PHYHIPL: variants seen among roughly 807,000 people sequenced by gnomAD.
The protein encoded by PHYHIPL is phytanoyl-CoA hydroxylase-interacting protein-like.
In PHYHIPL, 9 loss-of-function variants were observed where a neutral mutation model predicts 33.4. The ratio of observed to expected loss-of-function variants is 0.27; its 90% CI spans 0.16 to 0.47. The LOEUF is 0.47. Ranked by LOEUF, PHYHIPL falls within the 20% of genes least tolerant of loss-of-function variation. The pLI is 0.99. For missense variants in PHYHIPL, 365 were observed against 460.7 expected, an observed-to-expected ratio of 0.79 and a Z score of 1.90; for synonymous variants, 153 against 154.1, an observed-to-expected ratio of 0.99 and a Z score of 0.05.
At chr10:59,213,063 A>C (rs1839510666) in intron 1 of PHYHIPL, among the ~76,000 whole-genome samples, 5 of 152,124 alleles carry the variant, frequency 3.3e-5, no homozygotes, top group Admixed American at 3.3e-4. Flanking sequence ...TGGCAGACAT[A>C]CTCTGTATAT....
At chr10:59,212,750 T>C (rs1839497403) in intron 1 of PHYHIPL, among the ~76,000 whole-genome samples, 1 of 152,176 alleles carries the variant, frequency 6.6e-6, no homozygotes, top group African/African-American at 2.4e-5. Context: ...ATGTAATTTG[T>C]CTAAAGTTTT....
upstream of PHYHIPL, among the ~76,000 whole-genome samples, chr10:59,173,613 C>T (rs1378804970): frequency 6.6e-6 from 1 of 152,124 alleles, no homozygotes; most frequent in African/African-American, 2.4e-5. Flanking sequence ...TCTTCTTGAC[C>T]TGTCTGAGCA....
Position 59,245,271 on chromosome 10 carries a change from T to C in PHYHIPL, c.811T>C (p.Phe271Leu). 6.2e-7 allele frequency: 1 copy of C among 1,614,160 alleles called. No homozygotes were observed. Among genetic ancestry groups the C allele is most frequent in the East Asian group, 2.2e-5 (1 of 44,878 alleles). ...NPNTNLYFGD[F>L]YCMYTAYHYV... ...CAATACTAACTTATACTTTGGGGAC[T>C]TCTACTGTATGTACACTGCTTATCA... Residue 271 changes from phenylalanine (F) to leucine (L), a missense_variant, in exon 5 of 5, where the codon TTC becomes CTC. By Grantham distance (22) the Phe-to-Leu change is conservative. Coordinates refer to ENST00000373880, the MANE Select transcript of PHYHIPL (RefSeq NM_032439.4).
chr10:59,183,730 T>C, intron 1 of PHYHIPL: 1 of 955,874 alleles, frequency 1.0e-6, no homozygotes. Flanking sequence ...GTTTGTTATG[T>C]TATGACTATT....
intron 2 of PHYHIPL, among the ~76,000 whole-genome samples, chr10:59,235,531 A>G (rs1311305349): frequency 6.6e-6 from 1 of 151,886 alleles, no homozygotes; most frequent in African/African-American, 2.4e-5. Flanking sequence ...ACTAAAGATA[A>G]GTGAGGATCA....
In PHYHIPL at chr10:59,245,807, A is replaced by C. The variant is rs2133315135; in HGVS notation, c.*216A>C. 1.9e-6 allele frequency: 1 copy of C among 521,096 alleles called. No individual in the cohort carries two copies. Among genetic ancestry groups the C allele is most frequent in the Non-Finnish European group, 3.3e-6 (1 of 299,534 alleles). The allele number at this position is 521,096 out of a possible 1,614,324, so 32.3% of individuals were successfully genotyped here. Reference sequence around the variant, plus strand: ...CTACTTTCAATGATGAAATACCCTAAGTTAAGTTCTCCTTTTGACACTTTA... The same window carrying C: ...CTACTTTCAATGATGAAATACCCTACGTTAAGTTCTCCTTTTGACACTTTA... On this transcript the variant is annotated 3_prime_UTR_variant, in exon 5 of 5. Coordinates refer to ENST00000373880, the MANE Select transcript of PHYHIPL (RefSeq NM_032439.4).
chr10:59,183,672 G>A (rs1838477504), intron 1 of PHYHIPL: 1 of 985,138 alleles, frequency 1.0e-6, no homozygotes, highest in South Asian at 4.7e-5. Flanking sequence ...ATGCTCAACA[G>A]ATGTGAGTTG....
At chr10:59,205,266 C>G (rs1362283633) in intron 1 of PHYHIPL, among the ~76,000 whole-genome samples, 1 of 152,146 alleles carries the variant, frequency 6.6e-6, no homozygotes, top group Non-Finnish European at 1.5e-5. Flanking sequence ...CCTGATGTAA[C>G]AGCTTTTTCT....
chr10:59,216,981 C>G (rs1839634508), intron 1 of PHYHIPL, among the ~76,000 whole-genome samples: 1 of 152,096 alleles, frequency 6.6e-6, no homozygotes, highest in Admixed American at 6.6e-5. Flanking sequence ...ATACTTCTAA[C>G]TATCTGAGAA....
chr10:59,204,097 T>C (rs1839215170), intron 1 of PHYHIPL, among the ~76,000 whole-genome samples: 1 of 152,184 alleles, frequency 6.6e-6, no homozygotes, highest in Non-Finnish European at 1.5e-5. Context: ...ATAAAGGATT[T>C]ATAGAATGTA....
At chr10:59,194,089 T>G (rs1352421437) in intron 1 of PHYHIPL, among the ~76,000 whole-genome samples, 4 of 148,850 alleles carry the variant, frequency 2.7e-5, no homozygotes, top group Admixed American at 2.0e-4. Context: ...TGTTTTTTTT[T>G]TTTTTTTTTT....
chr10:59,236,448 C>A, intron 2 of PHYHIPL, 35 bp from the exon 3 acceptor site: 1 of 1,400,170 alleles, frequency 7.1e-7, no homozygotes, highest in South Asian at 1.5e-5. Flanking sequence ...TGTCTCCCCT[C>A]ATTTTTCTCT....
intron 1 of PHYHIPL, among the ~76,000 whole-genome samples, chr10:59,226,317 G>C (rs1489184920): frequency 6.6e-6 from 1 of 152,102 alleles, no homozygotes; most frequent in Admixed American, 6.5e-5. Flanking sequence ...GATATACATG[G>C]AGGACAGAAA....
chr10:59,187,970 T>G (rs1003727250), intron 1 of PHYHIPL, among the ~76,000 whole-genome samples: 1 of 152,340 alleles, frequency 6.6e-6, no homozygotes, highest in East Asian at 1.9e-4. Flanking sequence ...TCTCCTTCAG[T>G]TCTGCTCTGA....
At chr10:59,230,265 GTGCAGTGGCACAATCACAGCTCAC>G (rs1840042450) in intron 1 of PHYHIPL, among the ~76,000 whole-genome samples, 1 of 142,556 alleles carries the variant, frequency 7.0e-6, no homozygotes, top group South Asian at 2.2e-4. Context: ...CCAGGCTGGA[GTGCAGTGGCACAATCACAGCTCAC>G]TGTATCCTTG....
intron 1 of PHYHIPL, among the ~76,000 whole-genome samples, chr10:59,229,260 G>C (rs1019140827): frequency 2.6e-5 from 4 of 152,112 alleles, no homozygotes. Context: ...GTTTGTCTCA[G>C]TATGAAGCTA....
intron 1 of PHYHIPL, among the ~76,000 whole-genome samples, chr10:59,180,314 G>GTATATATATATA (rs35898292): frequency 2.3e-5 from 2 of 86,154 alleles, no homozygotes; most frequent in African/African-American, 5.2e-5. Flanking sequence ...TATAGAAAAA[G>GTATATATATATA]TATATATATA....
chr10:59,198,750 A>G (rs1464850455), intron 1 of PHYHIPL, among the ~76,000 whole-genome samples: 2 of 152,010 alleles, frequency 1.3e-5, no homozygotes, highest in African/African-American at 4.8e-5. Context: ...CGCCATTCTA[A>G]CTGGTGTGAG....
chr10:59,204,702 A>G (rs1839236298), intron 1 of PHYHIPL, among the ~76,000 whole-genome samples: 1 of 152,030 alleles, frequency 6.6e-6, no homozygotes, highest in Non-Finnish European at 1.5e-5. Flanking sequence ...CTTATTGCCA[A>G]CATTGGTAGG....
Sources: gnomAD v4.1 joint callset for allele counts (sites outside exome capture counted in the v4.1 genomes callset) on GRCh38, gnomAD v4.1.1 for gene constraint, MANE v1.5 for transcripts, NCBI Gene and HGNC (gene_info 2026-07-23, HGNC 2026-07-21) for gene names.